Variants in DHRSX observed in about 807,000 individuals in gnomAD.
The protein encoded by DHRSX is polyprenol dehydrogenase.
A neutral mutation model predicts 34.0 loss-of-function variants in DHRSX; 31 were observed. The observed-to-expected ratio is 0.91, with a 90% CI of 0.69 to 1.23. The LOEUF (loss-of-function observed/expected upper bound fraction) is 1.23. DHRSX is among the 50% of genes most tolerant of loss of function. DHRSX has a pLI of 0.00. For synonymous variants in DHRSX, 201 were observed against 183.8 expected, an observed-to-expected ratio of 1.09 and a Z score of -0.76; for missense variants, 414 against 428.1, an observed-to-expected ratio of 0.97 and a Z score of 0.29.
chrX:2,336,852 G>T (rs1346263845), intron 3 of DHRSX, among the ~76,000 whole-genome samples: 1 of 55,198 alleles, frequency 1.8e-5, no homozygotes, highest in Non-Finnish European at 8.3e-5. Context: ...GATAGATATA[G>T]ATAGATAGAT....
At chrX:2,285,027 G>C (rs1053312290) in intron 4 of DHRSX, among the ~76,000 whole-genome samples, 11 of 152,274 alleles carry the variant, frequency 7.2e-5, no homozygotes, top group Middle Eastern at 3.4e-3. Context: ...AGGAGTTTTG[G>C]AGGGAAGGTT....
intron 1 of DHRSX, among the ~76,000 whole-genome samples, chrX:2,497,813 G>A (rs937162588): frequency 1.3e-5 from 2 of 152,178 alleles, no homozygotes; most frequent in African/African-American, 4.8e-5. Flanking sequence ...CCGGTGGGTA[G>A]AGACTTTCTT....
intron 3 of DHRSX, among the ~76,000 whole-genome samples, chrX:2,324,038 C>T (rs969049888): frequency 2.9e-5 from 4 of 138,702 alleles, no homozygotes; most frequent in Non-Finnish European, 6.1e-5. Flanking sequence ...GCCTGGGTAA[C>T]AGATGGAGAC....
chrX:2,358,419 C>T (rs891404874), intron 3 of DHRSX, among the ~76,000 whole-genome samples: 2 of 152,062 alleles, frequency 1.3e-5, no homozygotes, highest in Non-Finnish European at 2.9e-5. Context: ...TGCAGCTGGC[C>T]GGGCGCGGTG....
intron 6 of DHRSX, among the ~76,000 whole-genome samples, chrX:2,232,345 T>C (rs867769894): frequency 1.6e-5 from 1 of 63,982 alleles, no homozygotes. Context: ...CAACAACAAC[T>C]AAAGCAACAG....
rs755183464 is a variant in DHRSX at position 2,436,764 on chromosome X, T to C, written c.110-11460A>G. Among the ~76,000 whole-genome samples, 36 of 152,060 alleles carry C rather than the reference T, an allele frequency of 2.4e-4. No individual in the cohort carries two copies. In the East Asian group the frequency reaches 3.1e-3, roughly 13 times the overall value. ...CTCCTGCCTCAGTCCCCCAAGTAGC[T>C]GGAACTACAGGTGTGTGCCACCATG... is the stretch of plus-strand genomic sequence containing the variant. On this transcript the variant is annotated intron_variant, in intron 1 of 6. Coordinates refer to ENST00000334651, the MANE Select transcript of DHRSX (RefSeq NM_145177.3).
In DHRSX at chrX:2,469,025, C is replaced by T. The variant is rs1332047153; in HGVS notation, c.109+31792G>A. Among the ~76,000 whole-genome samples, 8 of 151,618 alleles carry T rather than the reference C, an allele frequency of 5.3e-5. 1 individual carries two copies. The highest frequency in any genetic ancestry group is 3.9e-4 in the Admixed American group (6 of 15,236). ...TAAAAGACAGCACTGAAGACATTCCCTAGGCACGTGGCTGAGGGGCCTCCG... is the reference window on the plus strand; with the variant it reads ...TAAAAGACAGCACTGAAGACATTCCTTAGGCACGTGGCTGAGGGGCCTCCG... On this transcript the variant is annotated intron_variant, in intron 1 of 6. Coordinates refer to ENST00000334651, the MANE Select transcript of DHRSX (RefSeq NM_145177.3).
intron 1 of DHRSX, among the ~76,000 whole-genome samples, chrX:2,459,561 T>TAC (rs2044371239): frequency 7.1e-6 from 1 of 141,502 alleles, no homozygotes; most frequent in Non-Finnish European, 1.5e-5. Context: ...TATATATATA[T>TAC]ATATATATAT....
intron 3 of DHRSX, among the ~76,000 whole-genome samples, chrX:2,345,927 T>C (rs896661957): frequency 1.3e-5 from 2 of 152,190 alleles, no homozygotes; most frequent in African/African-American, 4.8e-5. Context: ...TTAAAATAAA[T>C]GTGCTTTCTA....
chrX:2,268,510 A>G (rs2041505143), intron 4 of DHRSX, among the ~76,000 whole-genome samples: 1 of 152,262 alleles, frequency 6.6e-6, no homozygotes, highest in African/African-American at 2.4e-5. Context: ...GCATGTATGC[A>G]TAATTCAAAG....
chrX:2,489,915 T>C, intron 1 of DHRSX: 1 of 1,613,850 alleles, frequency 6.2e-7, no homozygotes, highest in Non-Finnish European at 8.5e-7. Flanking sequence ...CCATAGTTGG[T>C]GGTGGCCCCG....
intron 1 of DHRSX, among the ~76,000 whole-genome samples, chrX:2,497,443 T>TTTCTAATAGCCACTG (rs1437144264): frequency 2.0e-5 from 3 of 152,188 alleles, no homozygotes; most frequent in African/African-American, 7.2e-5. Context: ...TTCTACCTGA[T>TTTCTAATAGCCACTG]TTCTAATAGC....
intron 6 of DHRSX, among the ~76,000 whole-genome samples, chrX:2,233,512 G>C (rs932320273): frequency 9.9e-5 from 15 of 152,230 alleles, no homozygotes; most frequent in African/African-American, 3.1e-4. Flanking sequence ...CGCCCGGCTG[G>C]GGGGCGCTGG....
chrX:2,321,580 C>T (rs976657841), intron 3 of DHRSX, among the ~76,000 whole-genome samples: 1 of 150,570 alleles, frequency 6.6e-6, no homozygotes, highest in South Asian at 2.1e-4. Flanking sequence ...CGTGCTCCAC[C>T]CCCCTCTCTC....
At chrX:2,236,704 T>C (rs1331649075) in intron 6 of DHRSX, among the ~76,000 whole-genome samples, 2 of 152,060 alleles carry the variant, frequency 1.3e-5, no homozygotes, top group Non-Finnish European at 2.9e-5. Context: ...AGTGCTGGGA[T>C]GACAGGTGTG....
intron 1 of DHRSX, among the ~76,000 whole-genome samples, chrX:2,471,663 A>C (rs1254307966): frequency 6.6e-6 from 1 of 152,106 alleles, no homozygotes; most frequent in Non-Finnish European, 1.5e-5. Context: ...GCTATTAACC[A>C]ATCAAATCTA....
At chrX:2,377,684 GC>G (rs2043157795) in intron 3 of DHRSX, among the ~76,000 whole-genome samples, 1 of 151,970 alleles carries the variant, frequency 6.6e-6, no homozygotes, top group Non-Finnish European at 1.5e-5. Context: ...AAGGGGCACA[GC>G]CCTGCCTTAA....
rs1319475648 is a variant in DHRSX at position 2,275,989 on chromosome X, G to T, written c.389-9042C>A. Among the ~76,000 whole-genome samples, 5 of 152,064 alleles carry T rather than the reference G, an allele frequency of 3.3e-5. No individual in the cohort carries two copies. In the East Asian group the frequency reaches 9.7e-4, roughly 29 times the overall value. On this transcript the variant is annotated intron_variant, in intron 4 of 6. Coordinates refer to ENST00000334651, the MANE Select transcript of DHRSX (RefSeq NM_145177.3). ...CTCCTGAGTAGCTGGGATTACAGGT[G>T]TATGCTACTATGCCCAGCTAATTTC...
intron 3 of DHRSX, among the ~76,000 whole-genome samples, chrX:2,325,771 A>C (rs1427817634): frequency 6.6e-6 from 1 of 152,170 alleles, no homozygotes; most frequent in Non-Finnish European, 1.5e-5. Context: ...CTCAAACTGG[A>C]CTATAAAATC....
Sources: gnomAD v4.1 joint callset for allele counts (sites outside exome capture counted in the v4.1 genomes callset) on GRCh38, gnomAD v4.1.1 for gene constraint, MANE v1.5 for transcripts, NCBI Gene and HGNC (gene_info 2026-07-23, HGNC 2026-07-21) for gene names.